SLC35F4: variants seen among roughly 807,000 people sequenced by gnomAD.
SLC35F4 encodes the protein chromosome 14 open reading frame 36.
Under a neutral mutation model 44.2 loss-of-function variants are expected in SLC35F4, and 24 were observed. The observed-to-expected ratio is 0.54, with a 90% CI of 0.39 to 0.76. The LOEUF is 0.76. Ranked by LOEUF, SLC35F4 falls within the 30% of genes least tolerant of loss-of-function variation. The probability of loss-of-function intolerance (pLI) is 0.00; values close to 1 mark genes in which losing one functional copy is unlikely to be tolerated. For synonymous variants in SLC35F4, 238 were observed against 223.6 expected (o/e 1.06, Z -0.57); for missense variants, 562 against 586.1 (o/e 0.96, Z 0.42).
chr14:57,742,050 C>T (rs1281044493), intron 1 of SLC35F4, among the ~76,000 whole-genome samples: 1 of 152,124 alleles, frequency 6.6e-6, no homozygotes, highest in Non-Finnish European at 1.5e-5. Flanking sequence ...ACCAGGCCTG[C>T]CCTAAAAGAG....
At chr14:57,762,923 T>C (rs2077157400) in intron 1 of SLC35F4, among the ~76,000 whole-genome samples, 1 of 152,090 alleles carries the variant, frequency 6.6e-6, no homozygotes, top group African/African-American at 2.4e-5. Context: ...CTTGTAGCAA[T>C]GCAAAAGAAT....
chr14:57,794,613 T>A (rs1334790126), intron 1 of SLC35F4, among the ~76,000 whole-genome samples: 4 of 152,246 alleles, frequency 2.6e-5, no homozygotes, highest in Non-Finnish European at 5.9e-5. Flanking sequence ...ATAGTAGCCT[T>A]GACTACTGAA....
intron 1 of SLC35F4, among the ~76,000 whole-genome samples, chr14:57,943,175 G>C (rs1889946171): frequency 6.6e-6 from 1 of 152,212 alleles, no homozygotes; most frequent in Non-Finnish European, 1.5e-5. Flanking sequence ...TGCAGGGAGA[G>C]TTACTATGAC....
chr14:57,686,623 T>G (rs997842030), intron 1 of SLC35F4, among the ~76,000 whole-genome samples: 2 of 152,172 alleles, frequency 1.3e-5, no homozygotes, highest in African/African-American at 4.8e-5. Context: ...ATCACAGTTA[T>G]ATGACAACAT....
chr14:57,779,112 A>T (rs10144369), intron 1 of SLC35F4, among the ~76,000 whole-genome samples: 63,133 of 151,648 alleles, frequency 0.42, 16,226 homozygotes, highest in African/African-American at 0.7. Context: ...AGACAAAAAA[A>T]AATAATAATA....
At chr14:57,605,387 A>C (rs768772266) in intron 1 of SLC35F4, among the ~76,000 whole-genome samples, 1 of 152,316 alleles carries the variant, frequency 6.6e-6, no homozygotes, top group African/African-American at 2.4e-5. Context: ...AACAAATGCA[A>C]ATCAAAACCA....
intron 1 of SLC35F4, among the ~76,000 whole-genome samples, chr14:57,657,743 G>A (rs1423514241): frequency 1.3e-5 from 2 of 152,072 alleles, no homozygotes; most frequent in Non-Finnish European, 2.9e-5. Context: ...TAATACTGGT[G>A]GATGACTCAT....
In SLC35F4 at chr14:57,653,838, C is replaced by T. The variant is rs938845359; in HGVS notation, c.104-59714G>A. Among the ~76,000 whole-genome samples, 4 of 152,268 alleles carry T rather than the reference C, an allele frequency of 2.6e-5. No homozygotes were observed. In the East Asian group the frequency reaches 7.7e-4, roughly 29 times the overall value. On this transcript the variant is annotated intron_variant, in intron 1 of 7. Coordinates refer to ENST00000556826, the MANE Select transcript of SLC35F4 (RefSeq NM_001306087.2). ...CCATAAACGGAGTGACTTAAAACAACAGAAATGTATTGCCTCACACTTCCA... is the reference window on the plus strand; with the variant it reads ...CCATAAACGGAGTGACTTAAAACAATAGAAATGTATTGCCTCACACTTCCA...
At chr14:57,678,816 G>T (rs929928998) in intron 1 of SLC35F4, among the ~76,000 whole-genome samples, 1 of 152,034 alleles carries the variant, frequency 6.6e-6, no homozygotes, top group African/African-American at 2.4e-5. Context: ...AATGCAACAA[G>T]AAGAGCTAAC....
rs1438949150 is a variant in SLC35F4, at chr14:57,566,504, C to T, written c.1187G>A (p.Gly396Glu). The T allele has an allele frequency of 1.2e-6, 2 of 1,600,064 alleles. No homozygotes were observed. The highest frequency in any genetic ancestry group is 1.7e-6 in the Non-Finnish European group (2 of 1,173,484). ...ATTTCCAGGAACGCTGAGCACTGTC[C>T]CAATGGAGATTAGGATTGGGTATGT... The part of the protein sequence containing the change: ...VLTYPILISI[G>E]TVLSVPGNAA... Residue 396 changes from glycine to glutamate, a missense_variant, in exon 7 of 8, where the codon GGG becomes GAG. Gly to Glu is a moderately conservative substitution (Grantham distance 98). Coordinates refer to ENST00000556826, the MANE Select transcript of SLC35F4 (RefSeq NM_001306087.2).
upstream of SLC35F4, among the ~76,000 whole-genome samples, chr14:57,866,447 G>A (rs920762364): frequency 2.0e-5 from 3 of 152,140 alleles, no homozygotes; most frequent in African/African-American, 4.8e-5. Context: ...ATTCCCCCGC[G>A]TTAGTCAGTC....
chr14:57,694,207 C>G (rs1031431047), intron 1 of SLC35F4, among the ~76,000 whole-genome samples: 1 of 152,168 alleles, frequency 6.6e-6, no homozygotes, highest in Non-Finnish European at 1.5e-5. Context: ...GCATCTTTGG[C>G]ATTCTTCATG....
At chr14:57,694,554 C>T (rs1688675573) in intron 1 of SLC35F4, among the ~76,000 whole-genome samples, 1 of 152,108 alleles carries the variant, frequency 6.6e-6, no homozygotes, top group Non-Finnish European at 1.5e-5. Context: ...AACAGTTTTT[C>T]CAGCTTGTAA....
chr14:57,567,906 A>G (rs1164709165), intron 6 of SLC35F4, among the ~76,000 whole-genome samples: 1 of 152,210 alleles, frequency 6.6e-6, no homozygotes, highest in Non-Finnish European at 1.5e-5. Context: ...AGTAAACATA[A>G]GCAAACAAGA....
chr14:57,973,092 T>G (rs577559513), downstream of SLC35F4, among the ~76,000 whole-genome samples: 2 of 152,346 alleles, frequency 1.3e-5, no homozygotes, highest in East Asian at 1.9e-4. Context: ...CTAAGCCCCA[T>G]GCAAACAGTA....
At chr14:57,859,912 C>A (rs1887538095) in intron 1 of SLC35F4, among the ~76,000 whole-genome samples, 1 of 152,156 alleles carries the variant, frequency 6.6e-6, no homozygotes, top group East Asian at 1.9e-4. Flanking sequence ...ATTTTAAGGA[C>A]AGAGTGATGA....
intron 1 of SLC35F4, among the ~76,000 whole-genome samples, chr14:57,940,597 T>C (rs1378142330): frequency 5.3e-5 from 8 of 152,204 alleles, no homozygotes; most frequent in African/African-American, 1.9e-4. Flanking sequence ...CATTCAGCAG[T>C]GGAGTAGTCA....
upstream of SLC35F4, among the ~76,000 whole-genome samples, chr14:57,982,551 G>A (rs553900842): frequency 6.6e-6 from 1 of 152,056 alleles, no homozygotes; most frequent in Non-Finnish European, 1.5e-5. Context: ...CAGAAGCAAA[G>A]GGCAGCTGGG....
At chr14:57,869,633 C>G (rs1888254020), upstream of SLC35F4, among the ~76,000 whole-genome samples, 1 of 152,136 alleles carries the variant, frequency 6.6e-6, no homozygotes, top group Non-Finnish European at 1.5e-5. Context: ...GCTTGGAAAG[C>G]CAAGAATCTT....
Sources: allele counts gnomAD v4.1 joint callset (sites outside exome capture counted in the v4.1 genomes callset), GRCh38; gene constraint gnomAD v4.1.1; transcripts MANE v1.5; gene names NCBI Gene and HGNC (gene_info 2026-07-23, HGNC 2026-07-21).